The following GRIN2A variants were observed in gnomAD, a reference collection of about 807,000 sequenced individuals.
The protein encoded by GRIN2A is glutamate receptor ionotropic, NMDA 2A.
In GRIN2A, 22 loss-of-function variants were observed where a neutral mutation model predicts 113.4. The observed-to-expected ratio is 0.19, with a 90% confidence interval of 0.14 to 0.28. GRIN2A has a LOEUF of 0.28. GRIN2A is among the 10% of genes least tolerant of loss of function. GRIN2A has a pLI of 1.00. For synonymous variants in GRIN2A, 827 were observed against 738.4 expected (o/e 1.12, Z -1.94); for missense variants, 1,502 against 1,887.0 (o/e 0.80, Z 3.78).
chr16:9,805,871 C>A (rs1198686068), intron 10 of GRIN2A, among the ~76,000 whole-genome samples: 1 of 152,142 alleles, frequency 6.6e-6, no homozygotes, highest in Non-Finnish European at 1.5e-5. Context: ...GCATGACAAG[C>A]TTTGAAATTG....
intron 3 of GRIN2A, among the ~76,000 whole-genome samples, chr16:9,936,512 AT>A (rs1239018541): frequency 6.6e-6 from 1 of 152,228 alleles, no homozygotes; most frequent in Non-Finnish European, 1.5e-5. Flanking sequence ...TAAAGCGTGG[AT>A]TAAATCAGTG....
chr16:10,111,995 A>AGAAT (rs2048625007), intron 2 of GRIN2A: 2 of 676,040 alleles, frequency 3.0e-6, no homozygotes, highest in East Asian at 5.2e-5. Flanking sequence ...CAGCCTAGCA[A>AGAAT]GGGAAGCTGC....
intron 2 of GRIN2A, among the ~76,000 whole-genome samples, chr16:10,122,570 C>T (rs1392280789): frequency 6.6e-6 from 1 of 152,062 alleles, no homozygotes; most frequent in African/African-American, 2.4e-5. Context: ...GTTCCTGATG[C>T]TTATTTCCTA....
chr16:10,029,513 A>G (rs2046889672), intron 2 of GRIN2A, among the ~76,000 whole-genome samples: 1 of 152,206 alleles, frequency 6.6e-6, no homozygotes, highest in African/African-American at 2.4e-5. Flanking sequence ...GAAAAACAGT[A>G]TTTTAAAAAA....
At chr16:10,051,390 C>T (rs1049635243) in intron 2 of GRIN2A, among the ~76,000 whole-genome samples, 1 of 152,196 alleles carries the variant, frequency 6.6e-6, no homozygotes, top group African/African-American at 2.4e-5. Flanking sequence ...AGTAATAAAA[C>T]ATTGGGAAGA....
In GRIN2A at chr16:9,943,795, T is replaced by C. The variant is rs74457674; in HGVS notation, c.415-5244A>G. On this transcript the variant is annotated intron_variant, in intron 2 of 12. Transcript: ENST00000330684. Reference sequence around the variant, plus strand: ...ATTCCTGGCTGCACATATGAATCCCTTGAAGAGTTATCAAAGAATAACCTA... The same window carrying C: ...ATTCCTGGCTGCACATATGAATCCCCTGAAGAGTTATCAAAGAATAACCTA... 1.1e-3 allele frequency among the ~76,000 whole-genome samples: 173 copies of C among 152,346 alleles called. 1 individual carries two copies. In the East Asian group the frequency reaches 0.027, roughly 24 times the overall value.
intron 2 of GRIN2A, among the ~76,000 whole-genome samples, chr16:10,167,694 G>C (rs2049953070): frequency 6.6e-6 from 1 of 152,146 alleles, no homozygotes; most frequent in Non-Finnish European, 1.5e-5. Context: ...GTATTATTTA[G>C]GTTTTTTCGC....
intron 11 of GRIN2A, among the ~76,000 whole-genome samples, chr16:9,770,638 A>G (rs7191784): frequency 0.8 from 121,813 of 152,092 alleles, 49,261 homozygotes; most frequent in Middle Eastern, 0.89. Context: ...TGAAGTCTAG[A>G]TGTGGGTTTG....
At chr16:9,871,743 C>T (rs12929074) in intron 4 of GRIN2A, among the ~76,000 whole-genome samples, 34,356 of 152,016 alleles carry the variant, frequency 0.23, 4,036 homozygotes, top group African/African-American at 0.25. Context: ...GTGGTTGGCT[C>T]AGGACCTGTG....
At chr16:10,040,430 A>G (rs1449561466) in intron 2 of GRIN2A, among the ~76,000 whole-genome samples, 2 of 151,230 alleles carry the variant, frequency 1.3e-5, no homozygotes, top group Non-Finnish European at 2.9e-5. Context: ...CACACTCACA[A>G]ATACATGAAC....
At chr16:10,087,639 T>C (rs1250598655) in intron 2 of GRIN2A, among the ~76,000 whole-genome samples, 2 of 152,192 alleles carry the variant, frequency 1.3e-5, no homozygotes, top group East Asian at 1.9e-4. Context: ...AGTTAAATTA[T>C]ATCATCTATA....
At chr16:10,003,925 C>T (rs902487129) in intron 2 of GRIN2A, among the ~76,000 whole-genome samples, 1 of 152,102 alleles carries the variant, frequency 6.6e-6, no homozygotes, top group African/African-American at 2.4e-5. Flanking sequence ...TCCGCATTGC[C>T]TCACCTGCTC....
intron 3 of GRIN2A, among the ~76,000 whole-genome samples, chr16:9,894,802 G>T (rs1037313447): frequency 6.6e-6 from 1 of 152,100 alleles, no homozygotes; most frequent in Non-Finnish European, 1.5e-5. Context: ...CATCACCAAA[G>T]GGAAATCCAC....
chr16:9,871,098 ATTTCCTGCCACGCCCACAAT>A lies in GRIN2A; in HGVS notation c.1122+19868_1122+19887del, dbSNP rs558418084. Reference sequence around the variant, plus strand: ...CCAGATCTCTTTATCACAGCAACAGATTTCCTGCCACGCCCACAATTTTCCTGCTCCCATCTTGTCCTCCT... The same window carrying A: ...CCAGATCTCTTTATCACAGCAACAGATTTCCTGCTCCCATCTTGTCCTCCT... On this transcript the variant is annotated intron_variant, in intron 4 of 12. Coordinates refer to ENST00000330684, the MANE Select transcript of GRIN2A (RefSeq NM_001134407.3). 2.0e-5 allele frequency among the ~76,000 whole-genome samples: 3 copies of A among 151,986 alleles called. No homozygotes were observed. The East Asian group carries it at 5.8e-4, about 29-fold the overall frequency.
At chr16:10,062,154 C>G (rs1425336193) in intron 2 of GRIN2A, among the ~76,000 whole-genome samples, 1 of 152,174 alleles carries the variant, frequency 6.6e-6, no homozygotes, top group African/African-American at 2.4e-5. Flanking sequence ...TACATACCTT[C>G]TTTATGGATT....
intron 2 of GRIN2A, among the ~76,000 whole-genome samples, chr16:10,126,772 T>C (rs1164249048): frequency 6.6e-6 from 1 of 152,208 alleles, no homozygotes; most frequent in African/African-American, 2.4e-5. Context: ...GCCAAAAATA[T>C]TGTCTTTGAA....
At chr16:10,126,485 A>G (rs541047004) in intron 2 of GRIN2A, among the ~76,000 whole-genome samples, 6 of 152,142 alleles carry the variant, frequency 3.9e-5, no homozygotes, top group Non-Finnish European at 7.4e-5. Context: ...CCGTATTTCA[A>G]ATATTTTGCA....
chr16:10,086,079 C>T (rs144347552), intron 2 of GRIN2A, among the ~76,000 whole-genome samples: 2 of 152,286 alleles, frequency 1.3e-5, no homozygotes, highest in African/African-American at 4.8e-5. Flanking sequence ...CTATGTCCTG[C>T]ACACAGTAGG....
rs560085402 is a variant in GRIN2A at position 10,071,526 on chromosome 16, G to C, written c.414+108472C>G. ...AACACTGTATTGAGAAAAACTTCAA[G>C]TGCATTATGCCCCCAGGATGAAGCT... On this transcript the variant is annotated intron_variant, in intron 2 of 12. Transcript: ENST00000330684. Among the ~76,000 whole-genome samples, 284 of 152,310 alleles carry C rather than the reference G, an allele frequency of 1.9e-3. 2 individuals are homozygous for C. Among genetic ancestry groups the C allele is most frequent in the African/African-American group, 6.3e-3 (262 of 41,566 alleles).
Sources: gnomAD v4.1 joint callset for allele counts (sites outside exome capture counted in the v4.1 genomes callset) on GRCh38, gnomAD v4.1.1 for gene constraint, MANE v1.5 for transcripts, NCBI Gene and HGNC (gene_info 2026-07-23, HGNC 2026-07-21) for gene names.